CDK13: variants seen among roughly 807,000 people sequenced by gnomAD.
The protein encoded by CDK13 is cyclin dependent kinase 13, also known as cyclin-dependent kinase 13.
A neutral mutation model predicts 137.6 loss-of-function variants in CDK13; 40 were observed. That is an observed-to-expected ratio of 0.29 (90% confidence interval 0.23 to 0.38). CDK13 has a LOEUF of 0.38. Ranked by LOEUF, CDK13 falls within the 10% of genes least tolerant of loss-of-function variation. The probability of loss-of-function intolerance (pLI) is 1.00; values close to 1 mark genes in which losing one functional copy is unlikely to be tolerated. For synonymous variants in CDK13, 869 were observed against 760.1 expected (o/e 1.14, Z -2.36); for missense variants, 1,704 against 1,951.8 (o/e 0.87, Z 2.39).
chr7:39,962,798 G>A (rs1217827990), intron 1 of CDK13, among the ~76,000 whole-genome samples: 1 of 152,152 alleles, frequency 6.6e-6, no homozygotes, highest in African/African-American at 2.4e-5. Flanking sequence ...ATTAATTTTT[G>A]TATAAGGTGT....
intron 1 of CDK13, among the ~76,000 whole-genome samples, chr7:39,964,915 T>C (rs1783833899): frequency 6.6e-6 from 1 of 152,332 alleles, no homozygotes; most frequent in East Asian, 1.9e-4. Context: ...TTGTTCAGTT[T>C]CCATGTAGTT....
At chr7:40,030,394 C>T (rs912673232) in intron 5 of CDK13, among the ~76,000 whole-genome samples, 1 of 150,596 alleles carries the variant, frequency 6.6e-6, no homozygotes, top group Non-Finnish European at 1.5e-5. Context: ...TTCATCCTTC[C>T]CCACCCCTGC....
intron 4 of CDK13, among the ~76,000 whole-genome samples, chr7:40,000,757 T>A (rs1015335491): frequency 6.6e-6 from 1 of 152,178 alleles, no homozygotes; most frequent in Non-Finnish European, 1.5e-5. Flanking sequence ...TCCATAAAAA[T>A]TAATAGAATA....
At chr7:39,994,355 C>T (rs1583961381) in intron 2 of CDK13, among the ~76,000 whole-genome samples, 4 of 151,972 alleles carry the variant, frequency 2.6e-5, no homozygotes, top group Admixed American at 2.0e-4. Flanking sequence ...TTACTGGTAC[C>T]GTTTATTGTA....
intron 5 of CDK13, among the ~76,000 whole-genome samples, chr7:40,030,020 C>G (rs1188596306): frequency 1.3e-5 from 2 of 152,140 alleles, no homozygotes; most frequent in African/African-American, 4.8e-5. Flanking sequence ...TTCTATCTGG[C>G]TGTCTTTCAT....
At chr7:39,968,350 G>C (rs1004623505) in intron 1 of CDK13, among the ~76,000 whole-genome samples, 1 of 152,104 alleles carries the variant, frequency 6.6e-6, no homozygotes, top group Non-Finnish European at 1.5e-5. Context: ...ACTGTATAAG[G>C]TGTGAGATGA....
At chr7:40,052,976 TAAC>T (rs1003896585) in intron 7 of CDK13, among the ~76,000 whole-genome samples, 10 of 152,112 alleles carry the variant, frequency 6.6e-5, no homozygotes, top group South Asian at 6.2e-4. Context: ...AAATTACTAA[TAAC>T]AGATGAATGA....
chr7:40,090,378 G>T (rs866174189), intron 12 of CDK13, among the ~76,000 whole-genome samples: 6 of 149,246 alleles, frequency 4.0e-5, no homozygotes, highest in South Asian at 2.1e-4. Flanking sequence ...ATTTTTTTTT[G>T]AGACAGTCTC....
chr7:39,972,681 T>G (rs187090342), intron 1 of CDK13, among the ~76,000 whole-genome samples: 1 of 152,356 alleles, frequency 6.6e-6, no homozygotes, highest in African/African-American at 2.4e-5. Context: ...AAATATCCCA[T>G]TGTATGGTTA....
chr7:40,075,048 T>G (rs892470919), intron 9 of CDK13, among the ~76,000 whole-genome samples: 5 of 152,178 alleles, frequency 3.3e-5, no homozygotes, highest in African/African-American at 1.2e-4. Context: ...TAGTATTGAT[T>G]ATAATTCATG....
At chr7:40,000,831 C>T (rs182954915) in intron 4 of CDK13, among the ~76,000 whole-genome samples, 80 of 152,070 alleles carry the variant, frequency 5.3e-4, no homozygotes, top group Non-Finnish European at 9.3e-4. Context: ...TTTTTTTTCT[C>T]CAAGGAAGTG....
At chr7:40,088,698 A>G (rs559368322) in intron 12 of CDK13, among the ~76,000 whole-genome samples, 2 of 152,346 alleles carry the variant, frequency 1.3e-5, no homozygotes, top group African/African-American at 4.8e-5. Flanking sequence ...GAAAACAGCC[A>G]AAAATCATAA....
chr7:40,021,356 C>T (rs1247876432), intron 5 of CDK13, among the ~76,000 whole-genome samples: 3 of 151,632 alleles, frequency 2.0e-5, no homozygotes. Flanking sequence ...AATTAGCCGG[C>T]TTCGTGTTGC....
chr7:40,061,994 C>T (rs1256687264), intron 7 of CDK13: 1 of 152,178 alleles, frequency 6.6e-6, no homozygotes, highest in African/African-American at 2.4e-5. Context: ...CAAGTAGATA[C>T]TTGAGTAGAC....
intron 5 of CDK13, among the ~76,000 whole-genome samples, chr7:40,025,678 T>A (rs1785228671): frequency 6.6e-6 from 1 of 152,232 alleles, no homozygotes; most frequent in African/African-American, 2.4e-5. Flanking sequence ...TAAATAGTGC[T>A]ACCTTGCTTT....
intron 7 of CDK13, among the ~76,000 whole-genome samples, chr7:40,057,701 T>C (rs562580270): frequency 4.6e-5 from 7 of 152,350 alleles, no homozygotes; most frequent in Admixed American, 6.5e-5. Context: ...TAGGTACTTA[T>C]AGGACTTCTA....
chr7:40,056,992 C>A (rs574424870), intron 7 of CDK13, among the ~76,000 whole-genome samples: 1 of 152,176 alleles, frequency 6.6e-6, no homozygotes, highest in Non-Finnish European at 1.5e-5. Context: ...TGGTGGCTCA[C>A]GCCTGTAATC....
chr7:40,006,034 T>A (rs191326833), intron 5 of CDK13, among the ~76,000 whole-genome samples: 1 of 152,360 alleles, frequency 6.6e-6, no homozygotes, highest in Non-Finnish European at 1.5e-5. Context: ...AAGAAACTTT[T>A]TCTAAACTAA....
intron 2 of CDK13, among the ~76,000 whole-genome samples, chr7:39,991,443 T>C (rs1040327195): frequency 1.1e-4 from 16 of 152,042 alleles, no homozygotes; most frequent in African/African-American, 3.9e-4. Flanking sequence ...TCTATATTCC[T>C]GGTTGACTTT....
Sources: allele counts gnomAD v4.1 joint callset (sites outside exome capture counted in the v4.1 genomes callset), GRCh38; gene constraint gnomAD v4.1.1; transcripts MANE v1.5; gene names NCBI Gene and HGNC (gene_info 2026-07-23, HGNC 2026-07-21).